ARHGEF1: variants seen among roughly 807,000 people sequenced by gnomAD.
ARHGEF1 encodes Rho guanine nucleotide exchange factor 1.
A neutral mutation model predicts 119.7 loss-of-function variants in ARHGEF1; 40 were observed. The ratio of observed to expected loss-of-function variants is 0.33; its 90% CI spans 0.26 to 0.44. The LOEUF (loss-of-function observed/expected upper bound fraction) is 0.44, where lower values mean the gene tolerates loss of function less well. Among genes scored for constraint, ARHGEF1 ranks in the 20% least tolerant of loss-of-function variants. The probability of loss-of-function intolerance (pLI) is 1.00; values close to 1 mark genes in which losing one functional copy is unlikely to be tolerated. For synonymous variants in ARHGEF1, 494 were observed against 521.0 expected, an observed-to-expected ratio of 0.95 and a Z score of 0.71; for missense variants, 976 against 1,268.3, an observed-to-expected ratio of 0.77 and a Z score of 3.50.
upstream of ARHGEF1, chr19:41,923,003 C>T (rs782119597): frequency 2.6e-6 from 1 of 378,022 alleles, no homozygotes; most frequent in East Asian, 7.3e-5. Context: ...ATGTGAGGGG[C>T]AGCCTAGGGA....
In ARHGEF1 at chr19:41,905,047, G is replaced by C; in HGVS notation, c.2249+11G>C. ...GTCGGAGCGGAAAAAGTGAGGGGGGGTCTGAGTTCTGAGTGTGGGTGGAGG... is the reference window on the plus strand; with the variant it reads ...GTCGGAGCGGAAAAAGTGAGGGGGGCTCTGAGTTCTGAGTGTGGGTGGAGG... On this transcript the variant is annotated intron_variant, in intron 23 of 28. Transcript: ENST00000354532. The surrounding 1 kb of genome is among the most constrained non-coding windows in gnomAD (Gnocchi z 6.4). The C allele has an allele frequency of 1.2e-6, 2 of 1,614,004 alleles. No homozygotes were observed. The highest frequency in any genetic ancestry group is 1.7e-6 in the Non-Finnish European group (2 of 1,179,874).
chr19:41,923,131 A>G (rs558771265), exon 1 of ARHGEF1: 2 of 456,468 alleles, frequency 4.4e-6, no homozygotes, highest in East Asian at 6.9e-5. Context: ...AGGAACTGCC[A>G]TGATGGATGC....
Position 41,906,484 on chromosome 19 carries a change from CG to C in ARHGEF1, c.2521del (p.Ala841ArgfsTer22). On this transcript the variant is annotated frameshift_variant, in exon 27 of 29. Transcript: ENST00000354532. LOFTEE classifies it high-confidence loss of function. The surrounding 1 kb of genome is among the most constrained non-coding windows in gnomAD (Gnocchi z 4.5). Reference protein sequence around the residue: ...KVLSLKQLLFPAEEDNGAGPP... With the variant: ...KVLSLKQLLFXAEEDNGAGPP... Reference sequence around the variant, plus strand: ...CTGTCCCTGAAGCAGCTTCTGTTTCCGGCGGAGGAAGACAATGGGGCGGGGC... The same window carrying C: ...CTGTCCCTGAAGCAGCTTCTGTTTCCGCGGAGGAAGACAATGGGGCGGGGC... The C allele has an allele frequency of 6.3e-7, 1 of 1,576,594 alleles. No homozygotes were observed. The highest frequency in any genetic ancestry group is 8.6e-7 in the Non-Finnish European group (1 of 1,168,786).
rs199744295 is a variant in ARHGEF1 at position 41,888,772 on chromosome 19, C to T, written c.132C>T (p.Ser44=). Residue 44 remains serine (S), a synonymous_variant, in exon 4 of 29, where the codon AGC becomes AGT. Transcript: ENST00000354532. This position sits in a 1 kb window ranked among gnomAD's most constrained non-coding sequence, Gnocchi z 5.1. ...ELETNSEEQN[S]QFQSLEQVKR... ...CCCAGAACTCAGAAGAGCAAAACAG[C>T]CAGTTCCAGAGCCTGGAGCAGGTGA... 6.2e-7 allele frequency: 1 copy of T among 1,614,100 alleles called. No individual in the cohort carries two copies. The highest frequency in any genetic ancestry group is 1.3e-5 in the African/African-American group (1 of 74,938).
rs782378209 is a variant in ARHGEF1 at position 41,906,776 on chromosome 19, G to C, written c.2729G>C (p.Gly910Ala). 16 of 1,611,238 alleles carry C rather than the reference G, an allele frequency of 9.9e-6. No individual in the cohort carries two copies. Among genetic ancestry groups the C allele is most frequent in the Middle Eastern group, 1.7e-4 (1 of 6,044 alleles). The change falls in exon 28 of 29, where the codon GGC becomes GCC. Residue 910 changes from glycine to alanine, a missense_variant. Gly to Ala is a moderately conservative substitution (Grantham distance 60). This residue lies in a region of ARHGEF1 where 171 missense variants were observed against 180.6 expected (regional missense o/e 0.95). Coordinates refer to ENST00000354532, the MANE Select transcript of ARHGEF1 (RefSeq NM_004706.4). This position sits in a 1 kb window ranked among gnomAD's most constrained non-coding sequence, Gnocchi z 4.5. ...GGGGGGAACTCTGTCCCCCAGCCTG[G>C]CTGCACTTGAGGTTCCCGCCCAGGA... ...QLGGNSVPQP[G>A]CT
chr19:41,909,190 T>A, downstream of ARHGEF1: 1 of 1,229,840 alleles, frequency 8.1e-7, no homozygotes, highest in Non-Finnish European at 1.0e-6. The surrounding 1 kb of genome is among the most constrained non-coding windows in gnomAD (Gnocchi z 5.2). Flanking sequence ...AGAGAGGGAG[T>A]GGGAGAAGCC....
chr19:41,926,043 T>G (rs936528587), intron 1 of ARHGEF1, among the ~76,000 whole-genome samples: 8 of 151,704 alleles, frequency 5.3e-5, no homozygotes, highest in Non-Finnish European at 1.0e-4. Flanking sequence ...GGTGAAGAAA[T>G]ACGAATGTGT....
At chr19:41,901,374 A>G (rs782599110) in intron 14 of ARHGEF1, among the ~76,000 whole-genome samples, 3 of 141,836 alleles carry the variant, frequency 2.1e-5, no homozygotes, top group Non-Finnish European at 4.7e-5. Flanking sequence ...CTGGTCTTGA[A>G]CTCCTGACCT....
At chr19:41,908,670 G>A, downstream of ARHGEF1, 2 of 1,231,312 alleles carry the variant, frequency 1.6e-6, no homozygotes, top group East Asian at 3.2e-5. The surrounding 1 kb of genome is among the most constrained non-coding windows in gnomAD (Gnocchi z 6.7). Flanking sequence ...GGAATAGCTG[G>A]TGGCACCTGG....
intron 1 of ARHGEF1, among the ~76,000 whole-genome samples, chr19:41,926,946 CAG>C (rs141620832): frequency 6.7e-6 from 1 of 149,764 alleles, no homozygotes; most frequent in Non-Finnish European, 1.5e-5. Context: ...CAGAAAGAGG[CAG>C]AGAGAGAGAG....
rs782507461 is a variant in ARHGEF1, at chr19:41,904,577, G to A, written c.2161+194G>A. ...AAGTGAGGTAGGAACTGCTGCAGGT[G>A]TTTGCACAGAGGCGTGTCTTGTGTA... is the stretch of plus-strand genomic sequence containing the variant. On this transcript the variant is annotated intron_variant, in intron 22 of 28. Transcript: ENST00000354532. This position sits in a 1 kb window ranked among gnomAD's most constrained non-coding sequence, Gnocchi z 8.4. Among the ~76,000 whole-genome samples the A allele has an allele frequency of 6.6e-5, 10 of 152,122 alleles. No individual in the cohort carries two copies. The highest frequency in any genetic ancestry group is 1.5e-4 in the Non-Finnish European group (10 of 68,026).
chr19:41,920,897 A>AC (rs1296532675), upstream of ARHGEF1, among the ~76,000 whole-genome samples: 2 of 151,232 alleles, frequency 1.3e-5, no homozygotes, highest in East Asian at 1.9e-4. Flanking sequence ...GGAGACCCAC[A>AC]CCCCCCTCCC....
Sources: gnomAD v4.1 joint callset for allele counts (sites outside exome capture counted in the v4.1 genomes callset) on GRCh38, gnomAD v4.1.1 for gene constraint, gnomAD v4.1.1 regional missense constraint, Gnocchi (gnomAD v3.1) non-coding constraint, MANE v1.5 for transcripts, NCBI Gene and HGNC (gene_info 2026-07-23, HGNC 2026-07-21) for gene names.